Variants in ZSCAN32 observed in about 807,000 individuals in gnomAD.
ZSCAN32 encodes the protein zinc finger and SCAN domain-containing protein 32.
A neutral mutation model predicts 47.4 loss-of-function variants in ZSCAN32; 52 were observed. The ratio of observed to expected loss-of-function variants is 1.10; its 90% confidence interval spans 0.88 to 1.38. The LOEUF is 1.38. ZSCAN32 is among the 40% of genes most tolerant of loss of function. ZSCAN32 has a pLI of 0.00. For synonymous variants in ZSCAN32, 346 were observed against 305.7 expected (o/e 1.13, Z -1.38); for missense variants, 959 against 846.0 (o/e 1.13, Z -1.66).
chr16:3,386,384 G>T (rs1246393398), intron 5 of ZSCAN32, among the ~76,000 whole-genome samples: 12 of 152,124 alleles, frequency 7.9e-5, no homozygotes, highest in Non-Finnish European at 1.2e-4. Context: ...TCAGTGTCGC[G>T]ATTCCTCAGG....
intron 1 of ZSCAN32, among the ~76,000 whole-genome samples, chr16:3,400,601 T>C (rs1380341294): frequency 3.3e-5 from 5 of 152,214 alleles, no homozygotes; most frequent in Non-Finnish European, 7.3e-5. Context: ...GTTTTTCACT[T>C]AGTTAACTAT....
In ZSCAN32 at chr16:3,383,399, T is replaced by C. The variant is rs2031501052; in HGVS notation, c.1547A>G (p.Lys516Arg). The C allele has an allele frequency of 4.3e-6, 7 of 1,614,190 alleles. No individual in the cohort carries two copies. In the East Asian group the frequency reaches 1.6e-4, roughly 36 times the overall value. Reference protein sequence around the residue: ...SVHSPHKPALKLEKVSQCPEC... With the variant: ...SVHSPHKPALRLEKVSQCPEC... ...AGGACATTGAGATACTTTTTCCAGT[T>C]TGAGCGCTGGCTTGTGGGGAGAGTG... Residue 516 changes from lysine (K) to arginine (R), a missense_variant, in exon 7 of 7, where the codon AAA becomes AGA. Physicochemically the swap from Lys to Arg is conservative, Grantham distance 26 (BLOSUM62 2). Transcript: ENST00000396852.
At chr16:3,393,542 C>T in intron 3 of ZSCAN32, 107 bp downstream of exon 3, 1 of 1,161,250 alleles carries the variant, frequency 8.6e-7, no homozygotes, top group Non-Finnish European at 1.1e-6. Context: ...GGATGTATTT[C>T]AAAGGCATTT....
Position 3,382,672 on chromosome 16 carries a change from A to C in ZSCAN32, c.*180T>G, listed in dbSNP as rs2031355535. The C allele has an allele frequency of 1.2e-6, 1 of 847,490 alleles. No individual in the cohort carries two copies. Among genetic ancestry groups the C allele is most frequent in the African/African-American group, 1.7e-5 (1 of 58,960 alleles). 52.5% of individuals were successfully genotyped at this position (847,490 alleles called of 1,614,324 possible). A position where few individuals can be genotyped will look rare whatever the true frequency, so the allele number is the denominator to read the frequency against. On this transcript the variant is annotated 3_prime_UTR_variant, in exon 7 of 7. Coordinates refer to ENST00000396852, the MANE Select transcript of ZSCAN32 (RefSeq NM_001284527.2). ...CACAGTAAGATAGGACTCTGGAGTC[A>C]CAGGCACAGCCAGGAGAGGTCAGCG...
chr16:3,384,910 G>C lies in ZSCAN32; in HGVS notation c.783C>G (p.Thr261=), dbSNP rs774031062. 1 of 1,613,820 alleles carries C rather than the reference G, an allele frequency of 6.2e-7. No homozygotes were observed. The highest frequency in any genetic ancestry group is 2.2e-5 in the East Asian group (1 of 44,880). ...TACTAAGAATAGCCAGGAGCGTCTTGGTCTCTTCATAGCCCCAGGGCACAC... is the reference window on the plus strand; with the variant it reads ...TACTAAGAATAGCCAGGAGCGTCTTCGTCTCTTCATAGCCCCAGGGCACAC... ...ATGVPWGYEE[T]KTLLAILSSS... is the part of the protein sequence containing the mutation. The change falls in exon 6 of 7, where the codon ACC becomes ACG. Residue 261 remains threonine, a synonymous_variant. Coordinates refer to ENST00000396852, the MANE Select transcript of ZSCAN32 (RefSeq NM_001284527.2).
chr16:3,382,671 C>T lies in ZSCAN32; in HGVS notation c.*181G>A, dbSNP rs1320502721. ...TCACAGTAAGATAGGACTCTGGAGT[C>T]ACAGGCACAGCCAGGAGAGGTCAGC... is the stretch of plus-strand genomic sequence containing the variant. On this transcript the variant is annotated 3_prime_UTR_variant, in exon 7 of 7. Transcript: ENST00000396852. The T allele has an allele frequency of 1.9e-5, 16 of 839,460 alleles. No homozygotes were observed. Among genetic ancestry groups the T allele is most frequent in the Non-Finnish European group, 2.6e-5 (15 of 588,004 alleles). 52.0% of individuals were successfully genotyped at this position (839,460 alleles called of 1,614,324 possible).
rs758758096 is a variant in ZSCAN32 at position 3,397,224 on chromosome 16, C to T, written c.334G>A (p.Val112Ile). The T allele has an allele frequency of 8.5e-5, 132 of 1,555,334 alleles. No individual in the cohort carries two copies. In the East Asian group the frequency reaches 3.0e-3, roughly 35 times the overall value. ...CCAGGAGCTCTCTGTACATCCTCAA[C>T]CAGAGCCACAGCTTCCTCGCCGTTT... ...PENGEEAVAL[V>I]EDVQRAPGQQ... Residue 112 changes from valine (V) to isoleucine (I), a missense_variant, in exon 2 of 7, where the codon GTT (valine) becomes ATT (isoleucine). Val to Ile is a conservative substitution (Grantham distance 29). Transcript: ENST00000396852.
Position 3,383,315 on chromosome 16 carries a change from G to T in ZSCAN32, c.1631C>A (p.Thr544Lys), listed in dbSNP as rs759175542. ...ACTGCACTTGTGAGGCTTCTCGCCTGTGTGGATTCTTTGATGCCGAACAAG... is the reference window on the plus strand; with the variant it reads ...ACTGCACTTGTGAGGCTTCTCGCCTTTGTGGATTCTTTGATGCCGAACAAG... ...SYLVRHQRIH[T>K]GEKPHKCSEC... The change falls in exon 7 of 7, where the codon ACA becomes AAA. Residue 544 changes from threonine to lysine, a missense_variant. By Grantham distance (78) the Thr-to-Lys change is moderately conservative. Coordinates refer to ENST00000396852, the MANE Select transcript of ZSCAN32 (RefSeq NM_001284527.2). 2 of 1,614,220 alleles carry T rather than the reference G, an allele frequency of 1.2e-6. No homozygotes were observed. The highest frequency in any genetic ancestry group is 4.5e-5 in the East Asian group (2 of 44,888).
chr16:3,397,506 G>T lies in ZSCAN32; in HGVS notation c.52C>A (p.Pro18Thr), dbSNP rs2033490002. The change falls in exon 2 of 7, where the codon CCC (proline) becomes ACC (threonine). Residue 18 changes from proline to threonine, a missense_variant. Pro to Thr is a conservative substitution (Grantham distance 38). Coordinates refer to ENST00000396852, the MANE Select transcript of ZSCAN32 (RefSeq NM_001284527.2). ...TEAHPSSNKD[P>T]TQGQKSALQG... Reference sequence around the variant, plus strand: ...AGGGCTGATTTCTGGCCCTGTGTGGGATCCTTGTTTGAGGATGGGTGTGCC... The same window carrying T: ...AGGGCTGATTTCTGGCCCTGTGTGGTATCCTTGTTTGAGGATGGGTGTGCC... 6.5e-7 allele frequency: 1 copy of T among 1,550,102 alleles called. No homozygotes were observed. Among genetic ancestry groups the T allele is most frequent in the South Asian group, 1.2e-5 (1 of 84,062 alleles).
Position 3,400,951 on chromosome 16 carries a change from C to G in ZSCAN32, c.-194G>C, listed in dbSNP as rs184748627. 2 of 152,732 alleles carry G rather than the reference C, an allele frequency of 1.3e-5. No individual in the cohort carries two copies. Among genetic ancestry groups the G allele is most frequent in the African/African-American group, 4.8e-5 (2 of 41,606 alleles). 9.5% of individuals were successfully genotyped at this position (152,732 alleles called of 1,614,324 possible). A position where few individuals can be genotyped will look rare whatever the true frequency, so the allele number is the denominator to read the frequency against. Reference sequence around the variant, plus strand: ...AAGGAAGCGGAGAACTCACCGGACACCAGCACTCGCGACTCCACAAACTCC... The same window carrying G: ...AAGGAAGCGGAGAACTCACCGGACAGCAGCACTCGCGACTCCACAAACTCC... On this transcript the variant is annotated 5_prime_UTR_variant, in exon 1 of 7. Coordinates refer to ENST00000396852, the MANE Select transcript of ZSCAN32 (RefSeq NM_001284527.2).
In ZSCAN32 at chr16:3,390,048, C is replaced by G; in HGVS notation, c.713G>C (p.Arg238Thr). The change falls in exon 5 of 7, where the codon AGG (arginine) becomes ACG (threonine). Residue 238 changes from arginine (R) to threonine (T), a missense_variant. Transcript: ENST00000396852. ...CPGPAQRALY[R>T]GATQRKDSHV... is the part of the protein sequence containing the mutation. ...ACTGTCCTTCCTCTGGGTGGCACCC[C>G]TGTAGAGGGCCCTTTGTGCAGGGCC... is the stretch of plus-strand genomic sequence containing the variant. The G allele has an allele frequency of 6.2e-7, 1 of 1,613,890 alleles. No homozygotes were observed.
At chr16:3,385,721 T>C (rs2031894840) in intron 5 of ZSCAN32, among the ~76,000 whole-genome samples, 1 of 152,200 alleles carries the variant, frequency 6.6e-6, no homozygotes, top group Admixed American at 6.5e-5. Context: ...TAAATGGTGC[T>C]GGGAAACCTG....
intron 1 of ZSCAN32, among the ~76,000 whole-genome samples, chr16:3,400,201 A>T (rs1243382819): frequency 6.6e-6 from 1 of 152,178 alleles, no homozygotes; most frequent in African/African-American, 2.4e-5. Flanking sequence ...TTCTCTTTAC[A>T]TTTCAGTGCT....
intron 2 of ZSCAN32, among the ~76,000 whole-genome samples, chr16:3,396,292 CTAA>C (rs2150905818): frequency 6.6e-6 from 1 of 152,320 alleles, no homozygotes; most frequent in Non-Finnish European, 1.5e-5. Context: ...CTTCCCCTCT[CTAA>C]ATTAAGTCAA....
chr16:3,392,350 T>G (rs934476276), intron 3 of ZSCAN32, among the ~76,000 whole-genome samples: 4 of 150,768 alleles, frequency 2.7e-5, no homozygotes, highest in African/African-American at 9.8e-5. Context: ...TTTTATGTTA[T>G]GTGACCTTCA....
rs1363142419 is a variant in ZSCAN32, at chr16:3,397,469, C to T, written c.89G>A (p.Ser30Asn). The T allele has an allele frequency of 1.3e-6, 2 of 1,550,720 alleles. No individual in the cohort carries two copies. Among genetic ancestry groups the T allele is most frequent in the Non-Finnish European group, 1.7e-6 (2 of 1,147,034 alleles). The change falls in exon 2 of 7, where the codon AGC becomes AAC. Residue 30 changes from serine (S) to asparagine (N), a missense_variant. Coordinates refer to ENST00000396852, the MANE Select transcript of ZSCAN32 (RefSeq NM_001284527.2). ...QGQKSALQGNSPDSEASRQRF... is the reference protein window; with the variant it reads ...QGQKSALQGNNPDSEASRQRF... Reference sequence around the variant, plus strand: ...CTGACGGGAGGCCTCGGAGTCAGGGCTGTTACCCTGGAGGGCTGATTTCTG... The same window carrying T: ...CTGACGGGAGGCCTCGGAGTCAGGGTTGTTACCCTGGAGGGCTGATTTCTG...
At position 3,393,710 on chromosome 16, in the gene ZSCAN32, TG is replaced by T; in HGVS notation, c.470del (p.Pro157GlnfsTer159). 6.4e-7 allele frequency: 1 copy of T among 1,550,484 alleles called. No individual in the cohort carries two copies. Among genetic ancestry groups the T allele is most frequent in the Non-Finnish European group, 8.7e-7 (1 of 1,146,972 alleles). The part of the protein sequence containing the change: ...LRSQWKQEVQ[P>X]EEPTFKGSQS... ...GTGATCCCTTAAAAGTCGGTTCCTCTGGCTGAACCTCCTGTTTCCATTGGGA... is the reference window on the plus strand; with the variant it reads ...GTGATCCCTTAAAAGTCGGTTCCTCTGCTGAACCTCCTGTTTCCATTGGGA... On this transcript the variant is annotated frameshift_variant, in exon 3 of 7. Coordinates refer to ENST00000396852, the MANE Select transcript of ZSCAN32 (RefSeq NM_001284527.2). LOFTEE classifies it high-confidence loss of function.
At chr16:3,384,213 C>T in intron 6 of ZSCAN32, 1 of 600,380 alleles carries the variant, frequency 1.7e-6, no homozygotes, top group East Asian at 2.8e-5. Context: ...TCTGACAATG[C>T]ATAGTGAAAC....
intron 5 of ZSCAN32, among the ~76,000 whole-genome samples, chr16:3,385,351 G>A (rs2031841064): frequency 6.6e-6 from 1 of 152,054 alleles, no homozygotes; most frequent in Non-Finnish European, 1.5e-5. Context: ...TCAATATCGT[G>A]AAAATGGCCA....
Sources: gnomAD v4.1 joint callset for allele counts (sites outside exome capture counted in the v4.1 genomes callset) on GRCh38, gnomAD v4.1.1 for gene constraint, MANE v1.5 for transcripts, NCBI Gene and HGNC (gene_info 2026-07-23, HGNC 2026-07-21) for gene names.